Variants in STARD13 observed in about 807,000 individuals in gnomAD.
STARD13 encodes stAR-related lipid transfer protein 13.
Under a neutral mutation model 106.4 loss-of-function variants are expected in STARD13, and 62 were observed. The ratio of observed to expected loss-of-function variants is 0.58; its 90% confidence interval spans 0.48 to 0.72. The LOEUF (loss-of-function observed/expected upper bound fraction) is 0.72, where lower values mean the gene tolerates loss of function less well. Among genes scored for constraint, STARD13 ranks in the 30% least tolerant of loss-of-function variants. The pLI, the probability that STARD13 is intolerant of heterozygous loss-of-function variation, is 0.00. For missense variants in STARD13, 1,387 were observed against 1,424.0 expected (o/e 0.97, Z 0.42); for synonymous variants, 565 against 553.0 (o/e 1.02, Z -0.31).
intron 1 of STARD13, among the ~76,000 whole-genome samples, chr13:33,305,773 T>C (rs765041602): frequency 1.8e-4 from 27 of 152,336 alleles, no homozygotes; most frequent in Non-Finnish European, 3.1e-4. Flanking sequence ...AAGTCTGAGA[T>C]ATGTGTTAAG....
intron 3 of STARD13, among the ~76,000 whole-genome samples, chr13:33,153,325 C>T (rs1308143244): frequency 1.3e-5 from 2 of 152,110 alleles, no homozygotes; most frequent in African/African-American, 2.4e-5. Flanking sequence ...GGAAGTAAGG[C>T]GGTCGTCAGC....
intron 1 of STARD13, 152 bp from the exon 2 acceptor site, chr13:33,167,774 G>A: frequency 7.1e-6 from 5 of 700,988 alleles, no homozygotes; most frequent in South Asian, 1.7e-5. Context: ...TTACCCGGGA[G>A]TGGGTGGAAA....
chr13:33,528,257 C>CACATATATATATATATATGTATATAT, the STARD13 span, among the ~76,000 whole-genome samples: 1 of 92,928 alleles, frequency 1.1e-5, no homozygotes, highest in African/African-American at 6.5e-5. Context: ...TATATATATA[C>CACATATATATATATATATGTATATAT]ATATATATAT....
chr13:33,314,727 C>T (rs1282117515), intron 1 of STARD13, among the ~76,000 whole-genome samples: 1 of 152,136 alleles, frequency 6.6e-6, no homozygotes, highest in Non-Finnish European at 1.5e-5. Flanking sequence ...GAAAACTAAG[C>T]AGTAGAGCCA....
At chr13:33,392,506 T>A in the STARD13 span, among the ~76,000 whole-genome samples, 1 of 152,126 alleles carries the variant, frequency 6.6e-6, no homozygotes, top group Non-Finnish European at 1.5e-5. Flanking sequence ...TTCAAGTGAT[T>A]CTACTGCCTC....
the STARD13 span, among the ~76,000 whole-genome samples, chr13:33,661,543 A>T: frequency 6.6e-6 from 1 of 152,242 alleles, no homozygotes; most frequent in East Asian, 1.9e-4. Context: ...ACTGACTCAC[A>T]GTTCCGCATG....
Position 33,326,679 on chromosome 13 carries a change from T to C in STARD13, c.124+23611A>G, listed in dbSNP as rs1055127778. 3.3e-5 allele frequency among the ~76,000 whole-genome samples: 5 copies of C among 152,232 alleles called. 1 individual carries two copies. Among genetic ancestry groups the C allele is most frequent in the Admixed American group, 2.6e-4 (4 of 15,286 alleles). On this transcript the variant is annotated intron_variant, in intron 1 of 5. Coordinates refer to the STARD13 transcript ENST00000567873. ...TGACAGGTGGACCCCAAATTATGTA[T>C]ACTGAAAAACACCTCAAAGTGATTC...
At chr13:33,165,110 C>T (rs191942906) in intron 3 of STARD13, among the ~76,000 whole-genome samples, 1 of 152,190 alleles carries the variant, frequency 6.6e-6, no homozygotes, top group Admixed American at 6.5e-5. Flanking sequence ...CTTTCTCTGT[C>T]ATTTTCCTAA....
At chr13:33,265,936 T>C (rs1347091088) in intron 1 of STARD13, among the ~76,000 whole-genome samples, 1 of 152,170 alleles carries the variant, frequency 6.6e-6, no homozygotes. Flanking sequence ...ATTGTAAACA[T>C]AAAAATTTTA....
rs946446763 is a variant in STARD13, at chr13:33,130,551, C to T, written c.388-262G>A. On this transcript the variant is annotated intron_variant, in intron 4 of 13. Coordinates refer to ENST00000336934, the MANE Select transcript of STARD13 (RefSeq NM_178006.4). This position sits in a 1 kb window ranked among gnomAD's most constrained non-coding sequence, Gnocchi z 4.1. ...CCCATTTTCAAAGAGGTTTTGAATG[C>T]CTCCTTCCTTCCTCTCTAAGAAGTT... Among the ~76,000 whole-genome samples the T allele has an allele frequency of 5.9e-5, 9 of 152,194 alleles. No homozygotes were observed. Among genetic ancestry groups the T allele is most frequent in the African/African-American group, 2.2e-4 (9 of 41,458 alleles).
intron 6 of STARD13, 57 bp downstream of exon 6, chr13:33,127,316 A>G: frequency 2.0e-6 from 3 of 1,483,940 alleles, no homozygotes; most frequent in Non-Finnish European, 2.7e-6. Flanking sequence ...AAGCTTCTGC[A>G]ATCACACACT....
the STARD13 span, among the ~76,000 whole-genome samples, chr13:33,490,029 A>T: frequency 1.3e-5 from 2 of 152,210 alleles, no homozygotes. Context: ...TAATAATATT[A>T]CTCATTAAGT....
At chr13:33,593,350 A>G in the STARD13 span, among the ~76,000 whole-genome samples, 1 of 151,882 alleles carries the variant, frequency 6.6e-6, no homozygotes, top group Non-Finnish European at 1.5e-5. Flanking sequence ...ACACCCAGCT[A>G]ATTTTTCTAT....
At chr13:33,429,413 G>A in the STARD13 span, among the ~76,000 whole-genome samples, 3 of 152,050 alleles carry the variant, frequency 2.0e-5, no homozygotes, top group African/African-American at 7.2e-5. Context: ...TGGCTAATAC[G>A]GTGAAACCCC....
the STARD13 span, among the ~76,000 whole-genome samples, chr13:33,485,182 T>C: frequency 2.0e-5 from 3 of 152,238 alleles, no homozygotes; most frequent in Non-Finnish European, 4.4e-5. Context: ...TCAGATTTAC[T>C]TGAATGAAGT....
At chr13:33,408,476 T>G in the STARD13 span, among the ~76,000 whole-genome samples, 5 of 152,118 alleles carry the variant, frequency 3.3e-5, no homozygotes, top group Non-Finnish European at 7.4e-5. Context: ...CATTATAGCA[T>G]GTGGCAGAAT....
intron 1 of STARD13, among the ~76,000 whole-genome samples, chr13:33,178,952 A>G (rs1394006547): frequency 6.6e-6 from 1 of 152,208 alleles, no homozygotes; most frequent in Non-Finnish European, 1.5e-5. Context: ...CAAATTTGTA[A>G]AACTAGCAAA....
intron 1 of STARD13, among the ~76,000 whole-genome samples, chr13:33,338,764 G>A (rs7982758): frequency 6.6e-6 from 1 of 151,680 alleles, no homozygotes; most frequent in South Asian, 2.1e-4. Flanking sequence ...TGTGCCTGTA[G>A]TCCCAGCTAC....
intron 1 of STARD13, chr13:33,272,997 A>G (rs1242281283): frequency 1.3e-5 from 2 of 152,240 alleles, no homozygotes; most frequent in African/African-American, 2.4e-5. Flanking sequence ...TTGCAGCTGC[A>G]TGCCGCCAAG....
Sources: gnomAD v4.1 joint callset for allele counts (sites outside exome capture counted in the v4.1 genomes callset) on GRCh38, gnomAD v4.1.1 for gene constraint, Gnocchi (gnomAD v3.1) non-coding constraint, MANE v1.5 for transcripts, NCBI Gene and HGNC (gene_info 2026-07-23, HGNC 2026-07-21) for gene names.